BSN: variants seen among roughly 807,000 people sequenced by gnomAD.
The protein encoded by BSN is protein bassoon.
Under a neutral mutation model 264.8 loss-of-function variants are expected in BSN, and 57 were observed. That is an observed-to-expected ratio of 0.22 (90% CI 0.17 to 0.27). The LOEUF is 0.27. Ranked by LOEUF, BSN falls within the 10% of genes least tolerant of loss-of-function variation. The pLI, the probability that BSN is intolerant of heterozygous loss-of-function variation, is 1.00. For synonymous variants in BSN, 2,059 were observed against 2,137.3 expected, an observed-to-expected ratio of 0.96 and a Z score of 1.01; for missense variants, 4,615 against 5,232.5, an observed-to-expected ratio of 0.88 and a Z score of 3.64.
chr3:49,639,196 T>C (rs1304990926), intron 2 of BSN, among the ~76,000 whole-genome samples: 1 of 141,026 alleles, frequency 7.1e-6, no homozygotes, highest in Non-Finnish European at 1.6e-5. Flanking sequence ...TTTCTTTCTT[T>C]TTCTTTTTTT....
At position 49,655,918 on chromosome 3, in the gene BSN, G is replaced by A. The variant is rs1021417966; in HGVS notation, c.6362G>A (p.Gly2121Asp). The part of the protein sequence containing the change: ...YGGRHGSGGG[G>D]PDLVQYQPQH... ...GGGCGGCATGGCAGTGGTGGTGGTGGCCCTGACCTTGTGCAGTACCAGCCC... is the reference window on the plus strand; with the variant it reads ...GGGCGGCATGGCAGTGGTGGTGGTGACCCTGACCTTGTGCAGTACCAGCCC... The change falls in exon 5 of 12, where the codon GGC becomes GAC. Residue 2121 changes from glycine (G) to aspartate (D), a missense_variant. Physicochemically the swap from Gly to Asp is moderately conservative, Grantham distance 94. Transcript: ENST00000296452. 1.9e-6 allele frequency: 3 copies of A among 1,611,616 alleles called. No individual in the cohort carries two copies. The African/African-American group carries it at 4.0e-5, about 22-fold the overall frequency.
In BSN at chr3:49,654,744, A is replaced by G; in HGVS notation, c.5188A>G (p.Thr1730Ala). 6.2e-7 allele frequency: 1 copy of G among 1,613,610 alleles called. No homozygotes were observed. Among genetic ancestry groups the G allele is most frequent in the Non-Finnish European group, 8.5e-7 (1 of 1,180,000 alleles). ...AQEHTFLATA[T>A]TVSITMASSV... ...GGAGCATACCTTCCTTGCTACTGCCACCACCGTGAGCATCACCATGGCCTC... is the reference window on the plus strand; with the variant it reads ...GGAGCATACCTTCCTTGCTACTGCCGCCACCGTGAGCATCACCATGGCCTC... Residue 1730 changes from threonine to alanine, a missense_variant, in exon 5 of 12, where the codon ACC becomes GCC. Thr to Ala is a moderately conservative substitution (Grantham distance 58). This residue lies in a region of BSN where 3,415 missense variants were observed against 3,866.4 expected (regional missense o/e 0.88). Coordinates refer to ENST00000296452, the MANE Select transcript of BSN (RefSeq NM_003458.4). The surrounding 1 kb of genome is among the most constrained non-coding windows in gnomAD (Gnocchi z 4.1).
chr3:49,654,177 A>G lies in BSN; in HGVS notation c.4621A>G (p.Ser1541Gly), dbSNP rs1166014925. Reference sequence around the variant, plus strand: ...GGGTACACAAACACCACATCGACCCAGCACGCCTCGCCTGGTGTGGCAGGA... The same window carrying G: ...GGGTACACAAACACCACATCGACCCGGCACGCCTCGCCTGGTGTGGCAGGA... Reference protein sequence around the residue: ...AQGTQTPHRPSTPRLVWQESS... With the variant: ...AQGTQTPHRPGTPRLVWQESS... The change falls in exon 5 of 12, where the codon AGC becomes GGC. Residue 1541 changes from serine (S) to glycine (G), a missense_variant. Physicochemically the swap from Ser to Gly is moderately conservative, Grantham distance 56. This residue lies in a region of BSN where 3,415 missense variants were observed against 3,866.4 expected (regional missense o/e 0.88). Coordinates refer to ENST00000296452, the MANE Select transcript of BSN (RefSeq NM_003458.4). This position sits in a 1 kb window ranked among gnomAD's most constrained non-coding sequence, Gnocchi z 4.1. 3 of 1,613,932 alleles carry G rather than the reference A, an allele frequency of 1.9e-6. No individual in the cohort carries two copies. The highest frequency in any genetic ancestry group is 3.3e-5 in the Admixed American group (2 of 60,010).
chr3:49,616,035 G>C (rs2052257182), intron 1 of BSN, among the ~76,000 whole-genome samples: 1 of 152,102 alleles, frequency 6.6e-6, no homozygotes, highest in East Asian at 1.9e-4. Flanking sequence ...TTGGGGAGGT[G>C]GGTTTTATAA....
At chr3:49,578,535 G>T (rs545129929) in intron 1 of BSN, among the ~76,000 whole-genome samples, 63 of 151,958 alleles carry the variant, frequency 4.1e-4, no homozygotes, top group Non-Finnish European at 7.6e-4. Context: ...AGCCTCCCGA[G>T]TAGCTGGGAC....
rs1398893409 is a variant in BSN, at chr3:49,663,258, C to T, written c.11100C>T (p.Pro3700=). The change falls in exon 7 of 12, where the codon CCC becomes CCT. Residue 3700 remains proline (P), a synonymous_variant. Coordinates refer to ENST00000296452, the MANE Select transcript of BSN (RefSeq NM_003458.4). ...AMPKKGQPGY[P]SSAEYSQPSR... ...CGAAGAAGGGTCAGCCTGGGTATCC[C>T]AGCTCTGCTGAGTACTCACAGCCAT... 1.2e-6 allele frequency: 2 copies of T among 1,614,044 alleles called. No individual in the cohort carries two copies. Among genetic ancestry groups the T allele is most frequent in the East Asian group, 2.2e-5 (1 of 44,900 alleles).
At chr3:49,569,346 A>G (rs1575425675) in intron 1 of BSN, among the ~76,000 whole-genome samples, 1 of 152,210 alleles carries the variant, frequency 6.6e-6, no homozygotes, top group Non-Finnish European at 1.5e-5. Context: ...GGGTTCCAAG[A>G]GAGTGAATCA....
At chr3:49,617,286 TATATATATATATA>T (rs2052267653) in intron 1 of BSN, among the ~76,000 whole-genome samples, 142 of 3,730 alleles carry the variant, frequency 0.038, 2 homozygotes, top group South Asian at 0.12. Context: ...AAATACATTA[TATATATATATATA>T]TATATATATA....
rs184259473 is a variant in BSN at position 49,597,666 on chromosome 3, G to A, written c.225-27309G>A. Among the ~76,000 whole-genome samples the A allele has an allele frequency of 3.1e-3, 471 of 151,936 alleles. 3 individuals are homozygous for A. The highest frequency in any genetic ancestry group is 0.01 in the African/African-American group (431 of 41,450). On this transcript the variant is annotated intron_variant, in intron 1 of 11. Coordinates refer to ENST00000296452, the MANE Select transcript of BSN (RefSeq NM_003458.4). ...CTTTTTTTTTCTTCTTCTTTGAGAC[G>A]GAGTCTCACTGTGTCGTCCAGGCTG...
chr3:49,564,901 G>A (rs1314814368), intron 1 of BSN, among the ~76,000 whole-genome samples: 1 of 151,846 alleles, frequency 6.6e-6, no homozygotes, highest in African/African-American at 2.4e-5. Flanking sequence ...CTGTCTTTGG[G>A]GTGCATTGGC....
At chr3:49,603,084 G>A (rs1021252930) in intron 1 of BSN, among the ~76,000 whole-genome samples, 4 of 152,056 alleles carry the variant, frequency 2.6e-5, no homozygotes, top group Non-Finnish European at 1.5e-5. Flanking sequence ...GGCAGCTGGG[G>A]CCTGGTCTTC....
At position 49,664,516 on chromosome 3, in the gene BSN, C is replaced by T. The variant is rs1221419130; in HGVS notation, c.11702C>T (p.Pro3901Leu). Residue 3901 changes from proline (P) to leucine (L), a missense_variant, in exon 9 of 12, where the codon CCT becomes CTT. Physicochemically the swap from Pro to Leu is moderately conservative, Grantham distance 98 (BLOSUM62 -3). Around this residue, in one of 3 missense-constraint regions of BSN, gnomAD observed 3,415 missense variants for 3,866.4 expected, o/e 0.88. Transcript: ENST00000296452. ...DGESVFSKIL[P>L]GGAAEQAGKL... Reference sequence around the variant, plus strand: ...GAGAGCGTGTTCTCCAAGATCCTCCCTGGCGGGGCAGCCGAGCAAGCTGGC... The same window carrying T: ...GAGAGCGTGTTCTCCAAGATCCTCCTTGGCGGGGCAGCCGAGCAAGCTGGC... 1.9e-6 allele frequency: 3 copies of T among 1,611,480 alleles called. No homozygotes were observed. Among genetic ancestry groups the T allele is most frequent in the South Asian group, 2.2e-5 (2 of 90,872 alleles).
At chr3:49,621,227 G>GA (rs1408013136) in intron 1 of BSN, among the ~76,000 whole-genome samples, 24 of 152,160 alleles carry the variant, frequency 1.6e-4, no homozygotes, top group Non-Finnish European at 3.1e-4. Flanking sequence ...GAAGAGTTCA[G>GA]AGCAGAGTTC....
In BSN at chr3:49,667,593, C is replaced by G. The variant is rs2052721271; in HGVS notation, c.*108C>G. On this transcript the variant is annotated 3_prime_UTR_variant, in exon 12 of 12. Coordinates refer to ENST00000296452, the MANE Select transcript of BSN (RefSeq NM_003458.4). ...CTCCCTCCTTTTCTCTTTCAAGCAT[C>G]TACAATCTGGCAAACCCTTGGCCCA... 1.3e-5 allele frequency: 2 copies of G among 152,686 alleles called. No homozygotes were observed. Among genetic ancestry groups the G allele is most frequent in the African/African-American group, 4.8e-5 (2 of 41,444 alleles). 9.5% of individuals were successfully genotyped at this position (152,686 alleles called of 1,614,324 possible).
chr3:49,643,901 A>G (rs987947686), intron 3 of BSN, among the ~76,000 whole-genome samples: 1 of 152,148 alleles, frequency 6.6e-6, no homozygotes, highest in Admixed American at 6.5e-5. Flanking sequence ...GCTAGGCAGG[A>G]GGGAGCAGGA....
chr3:49,624,248 G>A (rs918887267), intron 1 of BSN, among the ~76,000 whole-genome samples: 7 of 142,930 alleles, frequency 4.9e-5, no homozygotes, highest in Admixed American at 2.2e-4. Context: ...TGATGTGCCC[G>A]CCTCGGCCTC....
intron 3 of BSN, among the ~76,000 whole-genome samples, chr3:49,648,180 T>C (rs2052514280): frequency 1.3e-5 from 2 of 152,230 alleles, no homozygotes; most frequent in South Asian, 4.1e-4. Flanking sequence ...GCTTCCTCCA[T>C]CCAGACTACC....
At chr3:49,604,443 C>A (rs1435153359) in intron 1 of BSN, among the ~76,000 whole-genome samples, 1 of 152,112 alleles carries the variant, frequency 6.6e-6, no homozygotes, top group East Asian at 1.9e-4. Flanking sequence ...ATTCTAGGTA[C>A]CTCGTGTAAG....
chr3:49,562,743 G>C (rs1336337264), intron 1 of BSN, among the ~76,000 whole-genome samples: 2 of 152,200 alleles, frequency 1.3e-5, no homozygotes, highest in Non-Finnish European at 2.9e-5. Context: ...GATTTAGCAA[G>C]ATGATGGGAA....
Sources: gnomAD v4.1 joint callset for allele counts (sites outside exome capture counted in the v4.1 genomes callset) on GRCh38, gnomAD v4.1.1 for gene constraint, gnomAD v4.1.1 regional missense constraint, Gnocchi (gnomAD v3.1) non-coding constraint, MANE v1.5 for transcripts, NCBI Gene and HGNC (gene_info 2026-07-23, HGNC 2026-07-21) for gene names.